GXYLT2: variants seen among roughly 807,000 people sequenced by gnomAD.
The protein encoded by GXYLT2 is glucoside xylosyltransferase 2, also known as glycosyltransferase 8 domain containing 4.
Under a neutral mutation model 45.8 loss-of-function variants are expected in GXYLT2, and 53 were observed. The observed-to-expected ratio is 1.16, with a 90% CI of 0.93 to 1.46. GXYLT2 has a LOEUF of 1.46. Among genes scored for constraint, GXYLT2 ranks in the 40% most tolerant of loss-of-function variants. GXYLT2 has a pLI of 0.00. For synonymous variants in GXYLT2, 219 were observed against 214.2 expected (o/e 1.02, Z -0.19); for missense variants, 551 against 544.4 (o/e 1.01, Z -0.12).
intron 2 of GXYLT2, among the ~76,000 whole-genome samples, chr3:72,913,408 G>T (rs1415086542): frequency 6.6e-6 from 1 of 151,926 alleles, no homozygotes; most frequent in Non-Finnish European, 1.5e-5. Context: ...TAAAAACTAG[G>T]CAGGGGATGG....
chr3:72,929,329 C>T (rs1268744949), intron 3 of GXYLT2: 17 of 1,088,958 alleles, frequency 1.6e-5, no homozygotes, highest in South Asian at 1.2e-4. Flanking sequence ...ACTGGGAGAG[C>T]GGGCTGAATG....
chr3:72,961,677 A>AGC (rs1710773801), intron 5 of GXYLT2, among the ~76,000 whole-genome samples: 1 of 106,716 alleles, frequency 9.4e-6, no homozygotes. Context: ...AAAAAAAAAG[A>AGC]GAGAGAGAGA....
rs559681853 is a variant in GXYLT2 at position 72,959,525 on chromosome 3, T to C, written c.976+2173T>C. Reference sequence around the variant, plus strand: ...ATCTTCCGGCCTCGGCCTCCCAAAGTGCTGGGATTTCAGGCATGAGTAACC... The same window carrying C: ...ATCTTCCGGCCTCGGCCTCCCAAAGCGCTGGGATTTCAGGCATGAGTAACC... On this transcript the variant is annotated intron_variant, in intron 5 of 6. Transcript: ENST00000389617. Among the ~76,000 whole-genome samples, 5 of 152,218 alleles carry C rather than the reference T, an allele frequency of 3.3e-5. No individual in the cohort carries two copies. In the South Asian group the frequency reaches 1.0e-3, roughly 32 times the overall value.
At chr3:72,916,397 A>C (rs1709744198) in intron 2 of GXYLT2, among the ~76,000 whole-genome samples, 1 of 151,878 alleles carries the variant, frequency 6.6e-6, no homozygotes, top group South Asian at 2.1e-4. Flanking sequence ...TATATTGCCC[A>C]GGCTGGTCCC....
chr3:72,961,472 C>T (rs1404176109), intron 5 of GXYLT2, among the ~76,000 whole-genome samples: 2 of 152,060 alleles, frequency 1.3e-5, no homozygotes, highest in Admixed American at 6.6e-5. Context: ...TTCTTCATCT[C>T]TCAGAGGCCT....
chr3:72,951,175 A>G (rs1710516123), intron 3 of GXYLT2, among the ~76,000 whole-genome samples: 1 of 150,648 alleles, frequency 6.6e-6, no homozygotes, highest in Admixed American at 6.6e-5. Flanking sequence ...TAGAGATGCA[A>G]TGTTATCAAA....
chr3:72,897,055 C>T (rs1172676946), intron 1 of GXYLT2, among the ~76,000 whole-genome samples: 1 of 152,102 alleles, frequency 6.6e-6, no homozygotes, highest in Non-Finnish European at 1.5e-5. Flanking sequence ...TGAATGATGA[C>T]TTAAAATATG....
intron 2 of GXYLT2, among the ~76,000 whole-genome samples, chr3:72,916,828 G>A (rs1286776073): frequency 6.6e-6 from 1 of 151,700 alleles, no homozygotes; most frequent in African/African-American, 2.4e-5. Context: ...AGCCGCAGTT[G>A]AGTTTTAACA....
chr3:72,949,502 C>CTTTTTTTTTTTTTTT (rs56323434), intron 3 of GXYLT2, among the ~76,000 whole-genome samples: 18 of 72,642 alleles, frequency 2.5e-4, no homozygotes, highest in East Asian at 5.0e-4. Flanking sequence ...CTTTCTTTTT[C>CTTTTTTTTTTTTTTT]TTTTTTTTTT....
At chr3:72,949,907 A>T (rs528899627) in intron 3 of GXYLT2, among the ~76,000 whole-genome samples, 2 of 152,280 alleles carry the variant, frequency 1.3e-5, no homozygotes, top group Admixed American at 6.5e-5. Flanking sequence ...GATGAGAATA[A>T]GATCACATAG....
In GXYLT2 at chr3:72,975,065, TC is replaced by T; in HGVS notation, c.1241del (p.Pro414ArgfsTer5). On this transcript the variant is annotated frameshift_variant, in exon 7 of 7. Coordinates refer to ENST00000389617, the MANE Select transcript of GXYLT2 (RefSeq NM_001080393.2). LOFTEE classifies it high-confidence loss of function. ...ACTGTGCACACTTTATGTGGACGAA[TC>T]CCGCAAGTTTTTCTGAAGCAAATTG... is the stretch of plus-strand genomic sequence containing the variant. ...LETVHTLCGR[I>X]PQVFLKQIEK... 1 of 1,613,682 alleles carries T rather than the reference TC, an allele frequency of 6.2e-7. No individual in the cohort carries two copies. Among genetic ancestry groups the T allele is most frequent in the Non-Finnish European group, 8.5e-7 (1 of 1,179,666 alleles).
chr3:72,973,965 C>T (rs956267602), intron 6 of GXYLT2, among the ~76,000 whole-genome samples: 2 of 152,136 alleles, frequency 1.3e-5, no homozygotes, highest in African/African-American at 4.8e-5. Context: ...CCTGTGTAAG[C>T]AGTATTTCTG....
intron 3 of GXYLT2, among the ~76,000 whole-genome samples, chr3:72,942,566 C>T (rs1039097902): frequency 1.3e-5 from 2 of 152,090 alleles, no homozygotes; most frequent in African/African-American, 4.8e-5. Context: ...CAGACTCCAC[C>T]TTTGCCAAGC....
intron 3 of GXYLT2, among the ~76,000 whole-genome samples, chr3:72,942,173 C>G (rs149667112): frequency 0.014 from 2,067 of 152,056 alleles, 46 homozygotes; most frequent in African/African-American, 0.043. Flanking sequence ...GCTGGAACAA[C>G]TTGAGCAACA....
chr3:72,975,925 T>G lies in GXYLT2; in HGVS notation c.*766T>G, dbSNP rs1404064611. ...GGGGTATTTCTTCTTTTTCTTTCTT[T>G]CTTTTTTTTTTTTTTTTTTTTTTTG... On this transcript the variant is annotated 3_prime_UTR_variant, in exon 7 of 7. Transcript: ENST00000389617. 1 of 115,420 alleles carries G rather than the reference T, an allele frequency of 8.7e-6. No homozygotes were observed. The highest frequency in any genetic ancestry group is 1.7e-5 in the Non-Finnish European group (1 of 60,256). The allele number at this position is 115,420 out of a possible 1,614,324, so 7.1% of individuals were successfully genotyped here.
At chr3:72,963,483 A>G (rs890142658) in intron 5 of GXYLT2, among the ~76,000 whole-genome samples, 1 of 150,012 alleles carries the variant, frequency 6.7e-6, no homozygotes, top group Non-Finnish European at 1.5e-5. Flanking sequence ...AGGCAGGCAG[A>G]TCACCTGAGG....
At chr3:72,957,611 A>G (rs1293134858) in intron 5 of GXYLT2, among the ~76,000 whole-genome samples, 2 of 152,222 alleles carry the variant, frequency 1.3e-5, no homozygotes, top group Non-Finnish European at 2.9e-5. Flanking sequence ...AGGTTTTGCT[A>G]TACCATTCTT....
intron 3 of GXYLT2, among the ~76,000 whole-genome samples, chr3:72,925,769 C>A (rs1006957479): frequency 1.2e-4 from 18 of 151,942 alleles, no homozygotes; most frequent in Non-Finnish European, 2.4e-4. Context: ...TAAAAAAAAA[C>A]AAATTCATCA....
intron 3 of GXYLT2, among the ~76,000 whole-genome samples, chr3:72,954,399 C>CTGTGTGTG (rs3078688): frequency 0.089 from 11,926 of 133,780 alleles, 682 homozygotes; most frequent in South Asian, 0.14. Context: ...TGCTCCCAGC[C>CTGTGTGTG]TGTGTGTGTG....
Sources: allele counts gnomAD v4.1 joint callset (sites outside exome capture counted in the v4.1 genomes callset), GRCh38; gene constraint gnomAD v4.1.1; transcripts MANE v1.5; gene names NCBI Gene and HGNC (gene_info 2026-07-23, HGNC 2026-07-21).